The following MACC1 variants were observed in gnomAD, a reference collection of about 807,000 sequenced individuals.
The protein encoded by MACC1 is metastasis-associated in colon cancer protein 1.
MACC1 carries 79 observed loss-of-function variants against 70.7 expected under a neutral mutation model. The observed-to-expected ratio is 1.12, with a 90% CI of 0.93 to 1.35. The LOEUF is 1.35. Among genes scored for constraint, MACC1 ranks in the 40% most tolerant of loss-of-function variants. The probability of loss-of-function intolerance (pLI) is 0.00; values close to 1 mark genes in which losing one functional copy is unlikely to be tolerated. For missense variants in MACC1, 1,106 were observed against 978.1 expected (o/e 1.13, Z -1.74); for synonymous variants, 361 against 347.2 (o/e 1.04, Z -0.44).
chr7:20,165,661 C>A (rs1387316091), intron 2 of MACC1, among the ~76,000 whole-genome samples: 1 of 152,118 alleles, frequency 6.6e-6, no homozygotes, highest in Non-Finnish European at 1.5e-5. Context: ...CAATTAAACC[C>A]CATACTCAAT....
At chr7:20,166,862 T>C (rs555412951) in intron 2 of MACC1, among the ~76,000 whole-genome samples, 1 of 152,296 alleles carries the variant, frequency 6.6e-6, no homozygotes, top group East Asian at 1.9e-4. Context: ...TCATAATAAT[T>C]GTGCAGCATA....
chr7:20,202,783 C>T (rs1782851885), intron 1 of MACC1, among the ~76,000 whole-genome samples: 1 of 152,128 alleles, frequency 6.6e-6, no homozygotes, highest in African/African-American at 2.4e-5. Flanking sequence ...TAATTTTCAT[C>T]AATTTAAAGG....
chr7:20,186,347 G>A (rs1335753125), intron 1 of MACC1, among the ~76,000 whole-genome samples: 1 of 151,986 alleles, frequency 6.6e-6, no homozygotes, highest in African/African-American at 2.4e-5. Flanking sequence ...AGAAAAATTG[G>A]TCCAATAATA....
intron 5 of MACC1, among the ~76,000 whole-genome samples, chr7:20,155,984 A>T (rs990793429): frequency 6.6e-6 from 1 of 152,186 alleles, no homozygotes; most frequent in Non-Finnish European, 1.5e-5. Context: ...ATGATTTTTA[A>T]AATCAATGTA....
chr7:20,183,593 A>C (rs1396776031), intron 1 of MACC1, among the ~76,000 whole-genome samples: 1 of 152,206 alleles, frequency 6.6e-6, no homozygotes. Flanking sequence ...AGATGCTTTA[A>C]CATTCATCAG....
In MACC1 at chr7:20,140,826, G is replaced by GAC; in HGVS notation, c.*118_*119dup. ...CTACACACACACACACACACACACA[G>GAC]ACACACACACACAGACACACACACA... On this transcript the variant is annotated 3_prime_UTR_variant, in exon 7 of 7. Coordinates refer to ENST00000400331, the MANE Select transcript of MACC1 (RefSeq NM_182762.4). 5.6e-6 allele frequency: 3 copies of GAC among 535,064 alleles called. No homozygotes were observed. Among genetic ancestry groups the GAC allele is most frequent in the Admixed American group, 3.5e-5 (1 of 28,806 alleles). The allele number at this position is 535,064 out of a possible 1,614,324, so 33.1% of individuals were successfully genotyped here.
chr7:20,162,306 T>C (rs1453870099), intron 3 of MACC1, among the ~76,000 whole-genome samples: 1 of 152,166 alleles, frequency 6.6e-6, no homozygotes, highest in East Asian at 1.9e-4. Context: ...TGTGTATGTG[T>C]ATTTGTTACT....
At chr7:20,169,230 T>C (rs1283602290) in intron 2 of MACC1, among the ~76,000 whole-genome samples, 1 of 152,232 alleles carries the variant, frequency 6.6e-6, no homozygotes, top group African/African-American at 2.4e-5. Flanking sequence ...AAGCAATAGA[T>C]GTTTCAAGCA....
At chr7:20,213,844 G>A (rs60409900) in intron 1 of MACC1, among the ~76,000 whole-genome samples, 1 of 152,070 alleles carries the variant, frequency 6.6e-6, no homozygotes, top group Non-Finnish European at 1.5e-5. Flanking sequence ...TCTGTACAAC[G>A]AAGCCCCATG....
At chr7:20,205,784 A>G (rs978278065) in intron 1 of MACC1, among the ~76,000 whole-genome samples, 1 of 151,990 alleles carries the variant, frequency 6.6e-6, no homozygotes, top group African/African-American at 2.4e-5. Context: ...TTTTATGGGA[A>G]AGCTCAATGA....
Position 20,169,436 on chromosome 7 carries a change from G to A in MACC1, c.-153+1278C>T, listed in dbSNP as rs539227402. Among the ~76,000 whole-genome samples, 7 of 152,258 alleles carry A rather than the reference G, an allele frequency of 4.6e-5. 1 individual carries two copies. The South Asian group carries it at 1.0e-3, about 23-fold the overall frequency. On this transcript the variant is annotated intron_variant, in intron 2 of 6. Transcript: ENST00000400331. ...AAAGATCAACCCCCAATTCAGAAGG[G>A]GTGGACAAGACGTGGGTTTATAGTG...
intron 2 of MACC1, among the ~76,000 whole-genome samples, chr7:20,166,936 C>T (rs1300154662): frequency 6.6e-6 from 1 of 152,084 alleles, no homozygotes; most frequent in Admixed American, 6.5e-5. Context: ...GTTTGAAGTG[C>T]AGCTTAGTGA....
intron 1 of MACC1, among the ~76,000 whole-genome samples, chr7:20,212,997 G>C (rs905028622): frequency 6.6e-6 from 1 of 152,126 alleles, no homozygotes; most frequent in Non-Finnish European, 1.5e-5. Flanking sequence ...TCATGTTTTC[G>C]TAGAGCAGCT....
chr7:20,169,836 CA>C (rs1782276267), intron 2 of MACC1, among the ~76,000 whole-genome samples: 1 of 152,282 alleles, frequency 6.6e-6, no homozygotes, highest in African/African-American at 2.4e-5. Flanking sequence ...TCATAAGGAT[CA>C]AATGAAATAC....
intron 1 of MACC1, among the ~76,000 whole-genome samples, chr7:20,180,451 A>G (rs982259175): frequency 7.4e-5 from 11 of 149,058 alleles, no homozygotes; most frequent in Admixed American, 4.7e-4. Context: ...AAAAAAAAGG[A>G]AAAAAAAAAG....
chr7:20,212,644 C>T (rs1247654238), intron 1 of MACC1, among the ~76,000 whole-genome samples: 4 of 152,082 alleles, frequency 2.6e-5, no homozygotes, highest in Admixed American at 2.6e-4. Flanking sequence ...GAATTCCAAT[C>T]CCACATGATT....
chr7:20,196,161 A>G (rs1782747936), intron 1 of MACC1, among the ~76,000 whole-genome samples: 1 of 151,856 alleles, frequency 6.6e-6, no homozygotes, highest in African/African-American at 2.4e-5. Flanking sequence ...TTTATTGGTA[A>G]TAATTTTCAG....
In MACC1 at chr7:20,158,823, C is replaced by A. The variant is rs367950914; in HGVS notation, c.1538G>T (p.Arg513Ile). Residue 513 changes from arginine (R) to isoleucine (I), a missense_variant, in exon 5 of 7, where the codon AGA becomes ATA. Coordinates refer to ENST00000400331, the MANE Select transcript of MACC1 (RefSeq NM_182762.4). ...TTPDPTPNLK[R>I]LSNLPGYLQK... ...CAAATAGCCTGGCAGATTCGAGAGT[C>A]TTTTTAGGTTTGGGGTTGGATCAGG... is the stretch of plus-strand genomic sequence containing the variant. 4.5e-5 allele frequency: 73 copies of A among 1,614,056 alleles called. No individual in the cohort carries two copies. Among genetic ancestry groups the A allele is most frequent in the Middle Eastern group, 3.3e-4 (2 of 6,062 alleles).
chr7:20,184,211 G>C (rs1200248892), intron 1 of MACC1, among the ~76,000 whole-genome samples: 1 of 151,880 alleles, frequency 6.6e-6, no homozygotes, highest in Non-Finnish European at 1.5e-5. Context: ...TGAAATTTTA[G>C]TGCACCCATC....
Sources: allele counts gnomAD v4.1 joint callset (sites outside exome capture counted in the v4.1 genomes callset), GRCh38; gene constraint gnomAD v4.1.1; transcripts MANE v1.5; gene names NCBI Gene and HGNC (gene_info 2026-07-23, HGNC 2026-07-21).